The following SLCO6A1 variants were observed in gnomAD, a reference collection of about 807,000 sequenced individuals.
SLCO6A1 encodes cancer/testis antigen 48.
Under a neutral mutation model 72.7 loss-of-function variants are expected in SLCO6A1, and 65 were observed. The ratio of observed to expected loss-of-function variants is 0.89; its 90% confidence interval spans 0.73 to 1.10. The LOEUF (loss-of-function observed/expected upper bound fraction) is 1.10. Ranked by LOEUF, SLCO6A1 falls within the 50% of genes least tolerant of loss-of-function variation. The pLI is 0.00. For missense variants in SLCO6A1, 874 were observed against 872.6 expected (o/e 1.00, Z -0.02); for synonymous variants, 314 against 298.2 (o/e 1.05, Z -0.55).
At chr5:102,425,686 C>T (rs1748854023) in intron 7 of SLCO6A1, among the ~76,000 whole-genome samples, 1 of 152,130 alleles carries the variant, frequency 6.6e-6, no homozygotes, top group Non-Finnish European at 1.5e-5. Context: ...GTGAAAATGG[C>T]CATACTGCCC....
At chr5:102,384,833 G>C (rs1746317433) in intron 12 of SLCO6A1, among the ~76,000 whole-genome samples, 1 of 151,990 alleles carries the variant, frequency 6.6e-6, no homozygotes, top group African/African-American at 2.4e-5. Context: ...ATGTTTTCAT[G>C]TGGTTAGTTA....
chr5:102,397,108 T>C (rs577914626), intron 10 of SLCO6A1, among the ~76,000 whole-genome samples: 1 of 152,202 alleles, frequency 6.6e-6, no homozygotes, highest in Admixed American at 6.5e-5. Context: ...TTTTTAAGTT[T>C]AAACTCATAT....
At chr5:102,460,625 C>T (rs1750975452) in intron 4 of SLCO6A1, among the ~76,000 whole-genome samples, 1 of 151,962 alleles carries the variant, frequency 6.6e-6, no homozygotes, top group African/African-American at 2.4e-5. Flanking sequence ...ACTTCACACA[C>T]ATTTAAGACC....
chr5:102,388,092 T>C (rs1254500692), intron 12 of SLCO6A1, among the ~76,000 whole-genome samples: 5 of 152,158 alleles, frequency 3.3e-5, no homozygotes, highest in Non-Finnish European at 5.9e-5. Context: ...TGATGTTCTC[T>C]AATGGTGCAA....
intron 10 of SLCO6A1, among the ~76,000 whole-genome samples, chr5:102,395,674 C>G (rs1326227942): frequency 1.3e-5 from 2 of 152,176 alleles, no homozygotes; most frequent in African/African-American, 2.4e-5. Flanking sequence ...AAAAGTGTTG[C>G]TATTTCTCCA....
chr5:102,377,310 A>G (rs1236469498), intron 12 of SLCO6A1, among the ~76,000 whole-genome samples: 2 of 152,330 alleles, frequency 1.3e-5, no homozygotes, highest in African/African-American at 4.8e-5. Flanking sequence ...TATAAAGCAC[A>G]AGCTAATGCT....
At chr5:102,408,029 T>TC (rs1348310662) in intron 9 of SLCO6A1, among the ~76,000 whole-genome samples, 2 of 151,886 alleles carry the variant, frequency 1.3e-5, no homozygotes, top group Non-Finnish European at 1.5e-5. Context: ...GGTACAATAA[T>TC]CCCCCCTTAT....
intron 12 of SLCO6A1, among the ~76,000 whole-genome samples, chr5:102,376,675 C>T (rs1036850027): frequency 6.6e-6 from 1 of 152,048 alleles, no homozygotes; most frequent in Non-Finnish European, 1.5e-5. Context: ...ACAAAATGAG[C>T]TAATTGATAT....
At chr5:102,431,477 A>C (rs562858718) in intron 7 of SLCO6A1, among the ~76,000 whole-genome samples, 82 of 152,072 alleles carry the variant, frequency 5.4e-4, no homozygotes, top group Admixed American at 1.8e-3. Context: ...TTCTGTCTTA[A>C]TTTCATTACT....
At chr5:102,470,178 T>C (rs989967190) in intron 4 of SLCO6A1, among the ~76,000 whole-genome samples, 1 of 152,186 alleles carries the variant, frequency 6.6e-6, no homozygotes, top group African/African-American at 2.4e-5. Flanking sequence ...CCTCATAAAA[T>C]GAGTTAGAGA....
intron 1 of SLCO6A1, among the ~76,000 whole-genome samples, chr5:102,481,907 C>T (rs1426591778): frequency 6.6e-6 from 1 of 152,066 alleles, no homozygotes; most frequent in Non-Finnish European, 1.5e-5. Context: ...TGTCACAGCC[C>T]TAACTAAATT....
At position 102,419,844 on chromosome 5, in the gene SLCO6A1, A is replaced by T; in HGVS notation, c.1454T>A (p.Ile485Asn). 6.3e-7 allele frequency: 1 copy of T among 1,598,956 alleles called. No homozygotes were observed. Among genetic ancestry groups the T allele is most frequent in the Non-Finnish European group, 8.5e-7 (1 of 1,175,920 alleles). ...VRCNPVQFAG[I>N]NEDYDGTGKL... The stretch of plus-strand genomic sequence containing the variant: ...CATTTACCCATCATAATCTTCATTG[A>T]TCCCAGCAAATTGCACTGGATTACA... The change falls in exon 8 of 14, where the codon ATC becomes AAC. Residue 485 changes from isoleucine to asparagine, a missense_variant. By Grantham distance (149) the Ile-to-Asn change is moderately radical (BLOSUM62 -3). Transcript: ENST00000506729.
At chr5:102,468,799 C>T (rs896188786) in intron 4 of SLCO6A1, among the ~76,000 whole-genome samples, 10 of 152,080 alleles carry the variant, frequency 6.6e-5, no homozygotes, top group Non-Finnish European at 1.3e-4. Context: ...TTAGGTCTTA[C>T]ATTTAAGTCT....
At chr5:102,420,417 G>T (rs1469237985) in intron 7 of SLCO6A1, among the ~76,000 whole-genome samples, 3 of 152,190 alleles carry the variant, frequency 2.0e-5, no homozygotes, top group Admixed American at 2.0e-4. Context: ...AGTTCACAGA[G>T]ATTTGTTAAC....
chr5:102,470,061 G>A (rs567103912), intron 4 of SLCO6A1, among the ~76,000 whole-genome samples: 1 of 152,240 alleles, frequency 6.6e-6, no homozygotes, highest in East Asian at 1.9e-4. Flanking sequence ...CAGTTTGCCA[G>A]TATTTTATTG....
chr5:102,409,864 C>T (rs936823691), intron 9 of SLCO6A1, among the ~76,000 whole-genome samples: 3 of 152,142 alleles, frequency 2.0e-5, no homozygotes, highest in Non-Finnish European at 4.4e-5. Flanking sequence ...ACAGCTATAT[C>T]CTTCATGGCC....
At chr5:102,419,740 G>C (rs1332428689) in intron 8 of SLCO6A1, 86 bp downstream of exon 8, 3 of 1,029,600 alleles carry the variant, frequency 2.9e-6, no homozygotes, top group South Asian at 1.6e-5. Context: ...AACATATAAG[G>C]GTTACTGGAT....
intron 12 of SLCO6A1, among the ~76,000 whole-genome samples, chr5:102,382,981 GAT>G (rs995762561): frequency 2.1e-5 from 3 of 143,182 alleles, no homozygotes; most frequent in Non-Finnish European, 1.5e-5. Context: ...ATATATGAGA[GAT>G]ATATATATGT....
chr5:102,415,926 C>T (rs189936843), intron 8 of SLCO6A1, among the ~76,000 whole-genome samples: 25 of 152,200 alleles, frequency 1.6e-4, no homozygotes, highest in Non-Finnish European at 2.9e-5. Context: ...CAAAAGAAAA[C>T]ATACAAATAG....
Sources: allele counts gnomAD v4.1 joint callset (sites outside exome capture counted in the v4.1 genomes callset), GRCh38; gene constraint gnomAD v4.1.1; transcripts MANE v1.5; gene names NCBI Gene and HGNC (gene_info 2026-07-23, HGNC 2026-07-21).